TP53BP1: variants seen among roughly 807,000 people sequenced by gnomAD.
TP53BP1 encodes the protein tumor protein p53 binding protein 1.
In TP53BP1, 61 loss-of-function variants were observed where a neutral mutation model predicts 200.8. That is an observed-to-expected ratio of 0.30 (90% CI 0.25 to 0.38). The LOEUF (loss-of-function observed/expected upper bound fraction) is 0.38. Ranked by LOEUF, TP53BP1 falls within the 10% of genes least tolerant of loss-of-function variation. TP53BP1 has a pLI of 1.00. For synonymous variants in TP53BP1, 822 were observed against 844.3 expected (o/e 0.97, Z 0.46); for missense variants, 2,144 against 2,371.9 (o/e 0.90, Z 2.00).
At chr15:43,423,512 C>G (rs2045454250) in intron 18 of TP53BP1, among the ~76,000 whole-genome samples, 1 of 151,516 alleles carries the variant, frequency 6.6e-6, no homozygotes, top group Admixed American at 6.6e-5. Context: ...AAAAAAATAG[C>G]CGGGCATGGT....
At chr15:43,474,823 C>CT in intron 9 of TP53BP1, 56 bp from the exon 10 acceptor site, 1 of 1,273,490 alleles carries the variant, frequency 7.9e-7, no homozygotes, top group Non-Finnish European at 1.1e-6. Flanking sequence ...TTTTGCATTT[C>CT]TGTATTTGCT....
chr15:43,414,711 A>G (rs1161457548), intron 23 of TP53BP1, among the ~76,000 whole-genome samples: 2 of 149,628 alleles, frequency 1.3e-5, no homozygotes, highest in Non-Finnish European at 3.0e-5. Context: ...CTGAAATATG[A>G]CTTTTTTTTT....
intron 11 of TP53BP1, among the ~76,000 whole-genome samples, chr15:43,469,255 A>G (rs1429081486): frequency 1.3e-5 from 2 of 152,204 alleles, no homozygotes; most frequent in African/African-American, 2.4e-5. Flanking sequence ...AAGAAAATAC[A>G]CATTGGAAAA....
At chr15:43,412,285 T>C (rs1348687197) in intron 24 of TP53BP1, among the ~76,000 whole-genome samples, 1 of 152,190 alleles carries the variant, frequency 6.6e-6, no homozygotes, top group Non-Finnish European at 1.5e-5. Flanking sequence ...TGTCCAGTGG[T>C]GCAAATTATG....
intron 13 of TP53BP1, 44 bp from the exon 14 acceptor site, chr15:43,446,634 A>G (rs772383972): frequency 2.4e-5 from 39 of 1,596,212 alleles, no homozygotes; most frequent in Non-Finnish European, 3.1e-5. Context: ...GAACACTAAA[A>G]TACAAACACA....
intron 14 of TP53BP1, among the ~76,000 whole-genome samples, chr15:43,444,633 G>T (rs2046000736): frequency 6.6e-6 from 1 of 152,088 alleles, no homozygotes; most frequent in Non-Finnish European, 1.5e-5. Context: ...TGTAAAAGGA[G>T]GATAATAATA....
Position 43,432,472 on chromosome 15 carries a change from G to C in TP53BP1, c.3397C>G (p.Gln1133Glu). ...TTATTAGTACTCCGTCCTTCTTTCT[G>C]GTCTTCTAGCACATCTGTCACCATT... ...EAMVTDVLEDQKEGRSTNKEN... is the reference protein window; with the variant it reads ...EAMVTDVLEDEKEGRSTNKEN... The change falls in exon 17 of 28, where the codon CAG (glutamine) becomes GAG (glutamate). Residue 1133 changes from glutamine to glutamate, a missense_variant. Coordinates refer to ENST00000382044, the MANE Select transcript of TP53BP1 (RefSeq NM_001141980.3). 3 of 1,614,082 alleles carry C rather than the reference G, an allele frequency of 1.9e-6. No homozygotes were observed. Among genetic ancestry groups the C allele is most frequent in the Non-Finnish European group, 2.5e-6 (3 of 1,180,014 alleles).
chr15:43,447,653 C>CT (rs2046075355), intron 12 of TP53BP1, among the ~76,000 whole-genome samples, 168 bp from the exon 13 acceptor site: 1 of 152,128 alleles, frequency 6.6e-6, no homozygotes, highest in South Asian at 2.1e-4. Context: ...GGCCTCCTGA[C>CT]TAACTCCCTT....
intron 14 of TP53BP1, among the ~76,000 whole-genome samples, chr15:43,443,867 A>G (rs1181758654): frequency 2.0e-5 from 3 of 152,206 alleles, no homozygotes; most frequent in African/African-American, 7.2e-5. Flanking sequence ...CAACCCTTAA[A>G]TGGTTTTTAA....
chr15:43,487,526 C>G (rs2079062626), intron 4 of TP53BP1, among the ~76,000 whole-genome samples: 1 of 152,152 alleles, frequency 6.6e-6, no homozygotes, highest in South Asian at 2.1e-4. Context: ...GGCACAGTGA[C>G]TCACACCTAT....
intron 17 of TP53BP1, among the ~76,000 whole-genome samples, chr15:43,431,477 T>C (rs1216296416): frequency 1.3e-5 from 2 of 152,162 alleles, no homozygotes; most frequent in African/African-American, 4.8e-5. Context: ...ACTCCTGGGC[T>C]CAAGTAATCC....
intron 9 of TP53BP1, among the ~76,000 whole-genome samples, chr15:43,475,152 GAAAACT>G (rs1293209404): frequency 6.6e-6 from 1 of 152,040 alleles, no homozygotes; most frequent in Non-Finnish European, 1.5e-5. Flanking sequence ...ATTTTCATCA[GAAAACT>G]AAAACTAAAC....
chr15:43,435,785 T>A (rs2045782766), intron 16 of TP53BP1, among the ~76,000 whole-genome samples: 1 of 152,066 alleles, frequency 6.6e-6, no homozygotes, highest in Non-Finnish European at 1.5e-5. Flanking sequence ...AACCTCCTCC[T>A]CCAGGGTTCA....
intron 13 of TP53BP1, 63 bp from the exon 14 acceptor site, chr15:43,446,653 C>A: frequency 6.3e-7 from 1 of 1,582,336 alleles, no homozygotes; most frequent in South Asian, 1.1e-5. Flanking sequence ...CAAAAAACAG[C>A]AATTCAAGGT....
chr15:43,464,501 T>C (rs1356697642), intron 11 of TP53BP1, among the ~76,000 whole-genome samples: 3 of 152,096 alleles, frequency 2.0e-5, no homozygotes, highest in Non-Finnish European at 2.9e-5. Flanking sequence ...TAAATGTACA[T>C]AGCAGCATTA....
intron 16 of TP53BP1, among the ~76,000 whole-genome samples, chr15:43,433,723 ATC>A (rs1353901808): frequency 2.6e-5 from 4 of 152,210 alleles, no homozygotes; most frequent in South Asian, 4.1e-4. Context: ...CATCTGGAAT[ATC>A]TGTTTCAGTT....
chr15:43,420,249 A>G, intron 21 of TP53BP1, 56 bp downstream of exon 21: 1 of 1,484,134 alleles, frequency 6.7e-7, no homozygotes, highest in Non-Finnish European at 9.3e-7. Context: ...AACATAACAG[A>G]GTATTATTGC....
chr15:43,438,270 T>C (rs2045846561), intron 16 of TP53BP1, 54 bp downstream of exon 16: 1 of 1,515,090 alleles, frequency 6.6e-7, no homozygotes. Context: ...ATTTGGGCAC[T>C]AACCATTTTG....
chr15:43,470,081 G>A lies in TP53BP1; in HGVS notation c.1181-15C>T, dbSNP rs2046689087. 9 of 1,601,178 alleles carry A rather than the reference G, an allele frequency of 5.6e-6. No homozygotes were observed. The highest frequency in any genetic ancestry group is 6.0e-6 in the Non-Finnish European group (7 of 1,170,628). ...CATTGGCTTATCTGGTTTAAAACAG[G>A]AGAAACAAATTGAGAAATATCACTC... On this transcript the variant is annotated splice_polypyrimidine_tract_variant and intron_variant, in intron 10 of 27. Coordinates refer to ENST00000382044, the MANE Select transcript of TP53BP1 (RefSeq NM_001141980.3).
Sources: allele counts gnomAD v4.1 joint callset (sites outside exome capture counted in the v4.1 genomes callset), GRCh38; gene constraint gnomAD v4.1.1; transcripts MANE v1.5; gene names NCBI Gene and HGNC (gene_info 2026-07-23, HGNC 2026-07-21).